The following BCAS3 variants were observed in gnomAD, a reference collection of about 807,000 sequenced individuals.
The protein encoded by BCAS3 is BCAS4/BCAS3 fusion.
In BCAS3, 53 loss-of-function variants were observed where a neutral mutation model predicts 116.1. The ratio of observed to expected loss-of-function variants is 0.46; its 90% CI spans 0.37 to 0.57. BCAS3 has a LOEUF of 0.57. BCAS3 is among the 20% of genes least tolerant of loss of function. The pLI is 0.00. For synonymous variants in BCAS3, 391 were observed against 408.2 expected (o/e 0.96, Z 0.51); for missense variants, 917 against 1,165.4 (o/e 0.79, Z 3.10).
At chr17:61,152,108 T>G (rs1490547525) in intron 22 of BCAS3, among the ~76,000 whole-genome samples, 3 of 152,122 alleles carry the variant, frequency 2.0e-5, no homozygotes, top group Non-Finnish European at 4.4e-5. Context: ...CTCTTAAAGA[T>G]GGCACGGACC....
intron 13 of BCAS3, among the ~76,000 whole-genome samples, chr17:60,926,559 G>C (rs1160009794): frequency 2.6e-5 from 4 of 152,114 alleles, no homozygotes; most frequent in Non-Finnish European, 4.4e-5. Context: ...ATAAAGGCAA[G>C]ATTTATTGAA....
At chr17:60,945,092 T>C (rs2060416142) in intron 13 of BCAS3, among the ~76,000 whole-genome samples, 1 of 152,140 alleles carries the variant, frequency 6.6e-6, no homozygotes, top group African/African-American at 2.4e-5. Context: ...CCCCTAGAAC[T>C]TGCAGGAAAC....
chr17:60,777,412 G>A (rs887984083), intron 6 of BCAS3, among the ~76,000 whole-genome samples: 22 of 152,056 alleles, frequency 1.4e-4, no homozygotes, highest in African/African-American at 5.3e-4. Flanking sequence ...ATCACTTGAG[G>A]CCAAGAGTTG....
rs2071023191 is a variant in BCAS3, at chr17:61,068,978, G to T, written c.2030-5942G>T. ...TTTTTAATATAAATAAATGCAAGTG[G>T]TGAAATAAAATGGATAGACTTTGTC... On this transcript the variant is annotated intron_variant, in intron 19 of 23. Coordinates refer to ENST00000407086, the MANE Select transcript of BCAS3 (RefSeq NM_017679.5). This position sits in a 1 kb window ranked among gnomAD's most constrained non-coding sequence, Gnocchi z 4.3. Among the ~76,000 whole-genome samples the T allele has an allele frequency of 6.6e-6, 1 of 152,092 alleles. No individual in the cohort carries two copies. The highest frequency in any genetic ancestry group is 1.5e-5 in the Non-Finnish European group (1 of 68,024).
At position 61,229,529 on chromosome 17, in the gene BCAS3, A is replaced by G. The variant is rs1033123009; in HGVS notation, c.2426-138798A>G. On this transcript the variant is annotated intron_variant, in intron 22 of 23. Coordinates refer to ENST00000407086, the MANE Select transcript of BCAS3 (RefSeq NM_017679.5). This position sits in a 1 kb window ranked among gnomAD's most constrained non-coding sequence, Gnocchi z 4.4. Reference sequence around the variant, plus strand: ...GAGGAGGAGTCAGTGCCTGGCTTCAAAGCTTCAATTGAAGGACAGGCTGAT... The same window carrying G: ...GAGGAGGAGTCAGTGCCTGGCTTCAGAGCTTCAATTGAAGGACAGGCTGAT... 6.6e-6 allele frequency among the ~76,000 whole-genome samples: 1 copy of G among 152,248 alleles called. No individual in the cohort carries two copies. Among genetic ancestry groups the G allele is most frequent in the Non-Finnish European group, 1.5e-5 (1 of 68,044 alleles).
rs576570473 is a variant in BCAS3, at chr17:60,944,743, C to T, written c.1088-2476C>T. On this transcript the variant is annotated intron_variant, in intron 13 of 23. Coordinates refer to ENST00000407086, the MANE Select transcript of BCAS3 (RefSeq NM_017679.5). ...TTGACAATCAGTTATTGTTAGAATT[C>T]GCTATATTAATAGATTTAAAAAGAG... Among the ~76,000 whole-genome samples the T allele has an allele frequency of 7.2e-5, 11 of 152,110 alleles. No homozygotes were observed. In the East Asian group the frequency reaches 1.7e-3, roughly 24 times the overall value.
At chr17:60,771,462 C>A (rs974920985) in intron 6 of BCAS3, among the ~76,000 whole-genome samples, 2 of 152,054 alleles carry the variant, frequency 1.3e-5, no homozygotes, top group Admixed American at 6.5e-5. Context: ...TACCTTAAAT[C>A]AAATCAAACT....
Position 61,368,337 on chromosome 17 carries a change from C to T in BCAS3, c.2436C>T (p.Asp812=), listed in dbSNP as rs368491617. 33 of 1,594,866 alleles carry T rather than the reference C, an allele frequency of 2.1e-5. No individual in the cohort carries two copies. The African/African-American group carries it at 3.9e-4, about 19-fold the overall frequency. Residue 812 remains aspartate, a synonymous_variant, in exon 23 of 24, where the codon GAC becomes GAT. Coordinates refer to ENST00000407086, the MANE Select transcript of BCAS3 (RefSeq NM_017679.5). This position sits in a 1 kb window ranked among gnomAD's most constrained non-coding sequence, Gnocchi z 6.0. ...CCGTGTGTGCCACAGGTACCTTTGA[C>T]AGGAGCGTGACCCTGCTGGAGGTGT... is the stretch of plus-strand genomic sequence containing the variant. ...TVIDAASGTF[D]RSVTLLEVCG...
In BCAS3 at chr17:61,188,515, C is replaced by T. The variant is rs1250229179; in HGVS notation, c.2425+103951C>T. On this transcript the variant is annotated intron_variant, in intron 22 of 23. Coordinates refer to ENST00000407086, the MANE Select transcript of BCAS3 (RefSeq NM_017679.5). This position sits in a 1 kb window ranked among gnomAD's most constrained non-coding sequence, Gnocchi z 4.0. Reference sequence around the variant, plus strand: ...AAGTTGTTTATCTTAAATCTTGGCTCATTTGATTACTAGGATATTTTACTT... The same window carrying T: ...AAGTTGTTTATCTTAAATCTTGGCTTATTTGATTACTAGGATATTTTACTT... Among the ~76,000 whole-genome samples the T allele has an allele frequency of 3.3e-5, 5 of 152,146 alleles. No homozygotes were observed. Among genetic ancestry groups the T allele is most frequent in the African/African-American group, 4.8e-5 (2 of 41,412 alleles).
chr17:61,325,630 A>G lies in BCAS3; in HGVS notation c.2426-42697A>G, dbSNP rs2055666577. On this transcript the variant is annotated intron_variant, in intron 22 of 23. Coordinates refer to ENST00000407086, the MANE Select transcript of BCAS3 (RefSeq NM_017679.5). This position sits in a 1 kb window ranked among gnomAD's most constrained non-coding sequence, Gnocchi z 6.4. ...GCAGGGAGCATTGATATATGGCCCA[A>G]GCAAGGGACTAAAATCTTAAAGTGA... is the stretch of plus-strand genomic sequence containing the variant. 6.6e-6 allele frequency among the ~76,000 whole-genome samples: 1 copy of G among 152,238 alleles called. No individual in the cohort carries two copies. The highest frequency in any genetic ancestry group is 1.5e-5 in the Non-Finnish European group (1 of 68,048).
At chr17:60,780,426 C>T (rs1013013669) in intron 6 of BCAS3, among the ~76,000 whole-genome samples, 1 of 151,992 alleles carries the variant, frequency 6.6e-6, no homozygotes, top group Non-Finnish European at 1.5e-5. Context: ...CCTCAGCCTC[C>T]CCAGTAGCTT....
intron 23 of BCAS3, among the ~76,000 whole-genome samples, chr17:61,384,900 C>G (rs1249370384): frequency 6.6e-6 from 1 of 152,172 alleles, no homozygotes; most frequent in African/African-American, 2.4e-5. Flanking sequence ...CCCCACACTG[C>G]AGGGTGAAGC....
rs115741221 is a variant in BCAS3 at position 61,352,838 on chromosome 17, G to A, written c.2426-15489G>A. Reference sequence around the variant, plus strand: ...CAAGTCTTGCTTGCCCTCTGCAGCTGTGCAGAGAAGGCCTGGTGCCGCCAC... The same window carrying A: ...CAAGTCTTGCTTGCCCTCTGCAGCTATGCAGAGAAGGCCTGGTGCCGCCAC... On this transcript the variant is annotated intron_variant, in intron 22 of 23. Transcript: ENST00000407086. This position sits in a 1 kb window ranked among gnomAD's most constrained non-coding sequence, Gnocchi z 4.7. Among the ~76,000 whole-genome samples, 846 of 152,304 alleles carry A rather than the reference G, an allele frequency of 5.6e-3. 13 individuals carry two copies. The highest frequency in any genetic ancestry group is 0.019 in the African/African-American group (787 of 41,564).
chr17:61,180,530 C>T lies in BCAS3; in HGVS notation c.2425+95966C>T, dbSNP rs1380192679. ...GCCTCAGGGTAAGTAGTAGACTGCA[C>T]ATCCAGACTTGACCGTCAGGTCACC... On this transcript the variant is annotated intron_variant, in intron 22 of 23. Coordinates refer to ENST00000407086, the MANE Select transcript of BCAS3 (RefSeq NM_017679.5). The surrounding 1 kb of genome is among the most constrained non-coding windows in gnomAD (Gnocchi z 6.0). Among the ~76,000 whole-genome samples the T allele has an allele frequency of 6.6e-6, 1 of 152,218 alleles. No homozygotes were observed. Among genetic ancestry groups the T allele is most frequent in the African/African-American group, 2.4e-5 (1 of 41,448 alleles).
rs2143619526 is a variant in BCAS3, at chr17:61,381,279, C to T, written c.2594-10698C>T. Among the ~76,000 whole-genome samples the T allele has an allele frequency of 6.6e-6, 1 of 152,300 alleles. No homozygotes were observed. The highest frequency in any genetic ancestry group is 1.9e-4 in the East Asian group (1 of 5,170). ...CTGGAGGAGCAAATGGAAAGGCTCGCCTGAGCCAGCTGAATTGAATAATGA... is the reference window on the plus strand; with the variant it reads ...CTGGAGGAGCAAATGGAAAGGCTCGTCTGAGCCAGCTGAATTGAATAATGA... On this transcript the variant is annotated intron_variant, in intron 23 of 23. Coordinates refer to ENST00000407086, the MANE Select transcript of BCAS3 (RefSeq NM_017679.5). The surrounding 1 kb of genome is among the most constrained non-coding windows in gnomAD (Gnocchi z 6.0).
intron 4 of BCAS3, among the ~76,000 whole-genome samples, chr17:60,701,184 CAGTGAGCCGAGA>C (rs1568046412): frequency 1.3e-5 from 2 of 151,560 alleles, no homozygotes; most frequent in Non-Finnish European, 2.9e-5. Context: ...GCGGAGGTTG[CAGTGAGCCGAGA>C]TCACACCACT....
chr17:60,744,194 C>T (rs2041840118), intron 5 of BCAS3, among the ~76,000 whole-genome samples: 1 of 152,258 alleles, frequency 6.6e-6, no homozygotes, highest in Middle Eastern at 3.4e-3. Context: ...TGTAGTTCTA[C>T]TCTTGTATTT....
At chr17:61,089,325 A>G (rs983251966) in intron 22 of BCAS3, among the ~76,000 whole-genome samples, 1 of 151,948 alleles carries the variant, frequency 6.6e-6, no homozygotes, top group African/African-American at 2.4e-5. Flanking sequence ...AATACTCATT[A>G]ATAGAGAAGT....
chr17:60,836,769 C>G (rs568073688), intron 7 of BCAS3, among the ~76,000 whole-genome samples: 1 of 152,086 alleles, frequency 6.6e-6, no homozygotes, highest in African/African-American at 2.4e-5. Context: ...TTGAGGCAAG[C>G]AGAAAAAGTG....
Sources: gnomAD v4.1 joint callset for allele counts (sites outside exome capture counted in the v4.1 genomes callset) on GRCh38, gnomAD v4.1.1 for gene constraint, Gnocchi (gnomAD v3.1) non-coding constraint, MANE v1.5 for transcripts, NCBI Gene and HGNC (gene_info 2026-07-23, HGNC 2026-07-21) for gene names.